The following DDC variants were observed in gnomAD, a reference collection of about 807,000 sequenced individuals.
The protein encoded by DDC is dopa decarboxylase, also known as aromatic-L-amino-acid decarboxylase.
In DDC, 43 loss-of-function variants were observed where a neutral mutation model predicts 60.0. That is an observed-to-expected ratio of 0.72 (90% CI 0.56 to 0.92). The LOEUF is 0.92. Among genes scored for constraint, DDC ranks in the 40% least tolerant of loss-of-function variants. The pLI, the probability that DDC is intolerant of heterozygous loss-of-function variation, is 0.00. For synonymous variants in DDC, 232 were observed against 234.6 expected (o/e 0.99, Z 0.10); for missense variants, 573 against 620.2 (o/e 0.92, Z 0.81).
intron 1 of DDC, among the ~76,000 whole-genome samples, chr7:50,564,818 C>T (rs899056497): frequency 2.0e-5 from 3 of 152,162 alleles, no homozygotes; most frequent in South Asian, 2.1e-4. Flanking sequence ...AGAGCCCTGA[C>T]GGAGCCTCAG....
intron 9 of DDC, among the ~76,000 whole-genome samples, chr7:50,493,872 A>G (rs185813656): frequency 5.9e-5 from 9 of 152,210 alleles, no homozygotes; most frequent in Admixed American, 4.6e-4. Context: ...GAGAGCTGAC[A>G]TTAGTTGTTT....
chr7:50,540,258 ACTGGAATGTATTTG>A, intron 2 of DDC: 1 of 512,740 alleles, frequency 2.0e-6, no homozygotes, highest in South Asian at 1.9e-5. Context: ...CCTTTTTGAC[ACTGGAATGTATTTG>A]CTAGCTCAGA....
chr7:50,480,838 G>A (rs529628718), intron 9 of DDC, among the ~76,000 whole-genome samples: 1 of 152,294 alleles, frequency 6.6e-6, no homozygotes, highest in Non-Finnish European at 1.5e-5. Context: ...GCCCTGGGCT[G>A]CAGACAGGGG....
chr7:50,537,344 C>A (rs1179116859), intron 4 of DDC, among the ~76,000 whole-genome samples: 1 of 152,240 alleles, frequency 6.6e-6, no homozygotes, highest in Non-Finnish European at 1.5e-5. Context: ...GGGCTCTGAG[C>A]CACACAGAGT....
chr7:50,470,970 C>T (rs1238809005), intron 11 of DDC, among the ~76,000 whole-genome samples: 1 of 152,226 alleles, frequency 6.6e-6, no homozygotes, highest in East Asian at 1.9e-4. Context: ...CCTACTGGGC[C>T]TGGGTGACAC....
rs374428958 is a variant in DDC at position 50,508,338 on chromosome 7, G to T, written c.715-4279C>A. On this transcript the variant is annotated intron_variant, in intron 6 of 14. Coordinates refer to ENST00000444124, the MANE Select transcript of DDC (RefSeq NM_001082971.2). ...CAGAGGCATAATCACATTTGTGCAG[G>T]GGGAAGGAGGGGTAGGGGACAGTTC... Among the ~76,000 whole-genome samples the T allele has an allele frequency of 9.3e-4, 141 of 152,332 alleles. 1 individual carries two copies. Among genetic ancestry groups the T allele is most frequent in the African/African-American group, 3.2e-3 (132 of 41,570 alleles).
intron 7 of DDC, among the ~76,000 whole-genome samples, chr7:50,501,885 C>A (rs1338026079): frequency 6.6e-6 from 1 of 152,070 alleles, no homozygotes; most frequent in East Asian, 1.9e-4. Flanking sequence ...ACCAGCCTGG[C>A]CAATATGGTG....
intron 1 of DDC, among the ~76,000 whole-genome samples, chr7:50,547,102 C>G (rs781534347): frequency 6.6e-6 from 1 of 152,160 alleles, no homozygotes; most frequent in Non-Finnish European, 1.5e-5. Flanking sequence ...TAATATGACT[C>G]AAATTTTTAA....
In DDC at chr7:50,548,309, G is replaced by T. The variant is rs1048128814; in HGVS notation, c.-28-4196C>A. Among the ~76,000 whole-genome samples, 61 of 152,198 alleles carry T rather than the reference G, an allele frequency of 4.0e-4. 2 individuals carry two copies. The highest frequency in any genetic ancestry group is 2.9e-5 in the Non-Finnish European group (2 of 68,040). ...TAAATCAAAAGCTAGAAATGATTCA[G>T]CTGAGTGAGGAAGGCATGTCAAAAG... On this transcript the variant is annotated intron_variant, in intron 1 of 14. Transcript: ENST00000444124.
intron 2 of DDC, 21 bp downstream of exon 2, chr7:50,543,864 T>C: frequency 1.2e-6 from 2 of 1,612,372 alleles, no homozygotes; most frequent in Non-Finnish European, 1.7e-6. Flanking sequence ...TCCTGTTTTC[T>C]GACCTTGGAT....
chr7:50,462,145 C>A (rs555575341), intron 14 of DDC, among the ~76,000 whole-genome samples: 3 of 125,268 alleles, frequency 2.4e-5, no homozygotes, highest in African/African-American at 9.1e-5. Context: ...CGAGCCATTG[C>A]AAAAAGGATA....
intron 6 of DDC, chr7:50,527,544 C>T (rs117230143): frequency 1.3e-5 from 2 of 152,378 alleles, no homozygotes; most frequent in Non-Finnish European, 2.9e-5. Flanking sequence ...AAATATTTAT[C>T]GAGCTTCTGT....
At chr7:50,479,638 G>T in intron 10 of DDC, 149 bp downstream of exon 10, 1 of 787,960 alleles carries the variant, frequency 1.3e-6, no homozygotes, top group Non-Finnish European at 2.2e-6. Context: ...GGGCTACAAG[G>T]GCAAATCCAG....
chr7:50,549,615 C>T (rs2044917186), intron 1 of DDC, among the ~76,000 whole-genome samples: 1 of 151,350 alleles, frequency 6.6e-6, no homozygotes, highest in South Asian at 2.1e-4. Context: ...CAAGATCACA[C>T]CACTGCACTC....
At chr7:50,514,846 T>C (rs1229416973) in intron 6 of DDC, among the ~76,000 whole-genome samples, 1 of 152,148 alleles carries the variant, frequency 6.6e-6, no homozygotes, top group African/African-American at 2.4e-5. Context: ...ACAAGGTCTT[T>C]GAATTAACGC....
In DDC at chr7:50,539,934, C is replaced by T. The variant is rs1365970085; in HGVS notation, c.296G>A (p.Gly99Asp). ...CCTCACCCAGGAGAAGCCGATGCAG[C>T]CAATGGCCCCGCACAGCATGTCCGC... The part of the protein sequence containing the change: ...MLADMLCGAI[G>D]CIGFSWAASP... The change falls in exon 3 of 15, where the codon GGC (glycine) becomes GAC (aspartate). Residue 99 changes from glycine (G) to aspartate (D), a missense_variant. Coordinates refer to ENST00000444124, the MANE Select transcript of DDC (RefSeq NM_001082971.2). 6.2e-7 allele frequency: 1 copy of T among 1,613,788 alleles called. No individual in the cohort carries two copies. The highest frequency in any genetic ancestry group is 8.5e-7 in the Non-Finnish European group (1 of 1,179,910).
chr7:50,544,856 A>G (rs1463652800), intron 1 of DDC, among the ~76,000 whole-genome samples: 1 of 152,218 alleles, frequency 6.6e-6, no homozygotes, highest in Non-Finnish European at 1.5e-5. Context: ...ATTTTTGTCA[A>G]CAAATCAGTA....
intron 6 of DDC, among the ~76,000 whole-genome samples, chr7:50,504,699 GTGTGTGTGTC>G (rs1470138523): frequency 6.6e-6 from 1 of 151,800 alleles, no homozygotes; most frequent in Non-Finnish European, 1.5e-5. Flanking sequence ...TTGGGGGGGT[GTGTGTGTGTC>G]TGTGTGTGTG....
At chr7:50,499,984 G>C (rs577069138) in intron 7 of DDC, among the ~76,000 whole-genome samples, 2 of 152,326 alleles carry the variant, frequency 1.3e-5, no homozygotes, top group African/African-American at 4.8e-5. Context: ...ATAGGCCCAA[G>C]GGATGAGCAA....
Sources: gnomAD v4.1 joint callset for allele counts (sites outside exome capture counted in the v4.1 genomes callset) on GRCh38, gnomAD v4.1.1 for gene constraint, MANE v1.5 for transcripts, NCBI Gene and HGNC (gene_info 2026-07-23, HGNC 2026-07-21) for gene names.